DENND4C: variants seen among roughly 807,000 people sequenced by gnomAD.
The protein encoded by DENND4C is DENN domain-containing protein 4C.
Under a neutral mutation model 203.0 loss-of-function variants are expected in DENND4C, and 108 were observed. That is an observed-to-expected ratio of 0.53 (90% CI 0.46 to 0.62). DENND4C has a LOEUF of 0.62. Ranked by LOEUF, DENND4C falls within the 20% of genes least tolerant of loss-of-function variation. The pLI, the probability that DENND4C is intolerant of heterozygous loss-of-function variation, is 0.00. For missense variants in DENND4C, 2,481 were observed against 2,301.2 expected, an observed-to-expected ratio of 1.08 and a Z score of -1.60; for synonymous variants, 871 against 792.4, an observed-to-expected ratio of 1.10 and a Z score of -1.67.
At chr9:19,311,018 T>TAA (rs1840632621) in intron 10 of DENND4C, among the ~76,000 whole-genome samples, 1 of 152,236 alleles carries the variant, frequency 6.6e-6, no homozygotes, top group African/African-American at 2.4e-5. Context: ...CCATACTTTG[T>TAA]ATATAATGCT....
intron 13 of DENND4C, among the ~76,000 whole-genome samples, chr9:19,325,407 A>G (rs899153114): frequency 2.0e-5 from 3 of 152,250 alleles, no homozygotes; most frequent in African/African-American, 7.2e-5. Flanking sequence ...TGCAAACTGT[A>G]TATTATATAA....
intron 10 of DENND4C, among the ~76,000 whole-genome samples, chr9:19,307,473 C>G (rs1042750848): frequency 8.7e-5 from 13 of 149,302 alleles, no homozygotes; most frequent in African/African-American, 3.2e-4. Flanking sequence ...TTCACCACAA[C>G]TTTATTAAGA....
In DENND4C at chr9:19,369,989, T is replaced by A; in HGVS notation, c.5675+2T>A. On this transcript the variant is annotated splice_donor_variant, in intron 31 of 32. Coordinates refer to ENST00000434457, the MANE Select transcript of DENND4C (RefSeq NM_001330640.2). LOFTEE classifies it high-confidence loss of function. ...GAAGCCAGGCATGAAAAGACAAAGG[T>A]AATAATCCAGTATTTTTTGCTTGCC... is the stretch of plus-strand genomic sequence containing the variant. The A allele has an allele frequency of 6.2e-7, 1 of 1,612,742 alleles. No individual in the cohort carries two copies. The highest frequency in any genetic ancestry group is 1.7e-5 in the Admixed American group (1 of 59,778).
At chr9:19,335,397 A>G (rs1820220777) in intron 18 of DENND4C, among the ~76,000 whole-genome samples, 1 of 152,168 alleles carries the variant, frequency 6.6e-6, no homozygotes, top group Non-Finnish European at 1.5e-5. Context: ...TCAAAATACA[A>G]TACATTGTTA....
At chr9:19,242,574 C>T (rs1824028497) in intron 1 of DENND4C, among the ~76,000 whole-genome samples, 1 of 151,780 alleles carries the variant, frequency 6.6e-6, no homozygotes. Flanking sequence ...TTCGCATTTT[C>T]ATTCGTATTT....
chr9:19,259,840 T>C (rs1210199957), intron 1 of DENND4C, among the ~76,000 whole-genome samples: 1 of 152,204 alleles, frequency 6.6e-6, no homozygotes, highest in Non-Finnish European at 1.5e-5. Context: ...TTGTCTGTTG[T>C]TGAATAACTT....
intron 1 of DENND4C, among the ~76,000 whole-genome samples, chr9:19,246,831 A>C (rs1825397282): frequency 6.6e-6 from 1 of 152,052 alleles, no homozygotes; most frequent in Non-Finnish European, 1.5e-5. Flanking sequence ...ATAACTCTTA[A>C]TTCTCTAACT....
chr9:19,263,455 C>T (rs1006185377), intron 1 of DENND4C, among the ~76,000 whole-genome samples: 1 of 151,894 alleles, frequency 6.6e-6, no homozygotes, highest in Non-Finnish European at 1.5e-5. Flanking sequence ...CTCCTGGGTT[C>T]AAGCAATTTT....
intron 1 of DENND4C, among the ~76,000 whole-genome samples, chr9:19,239,345 CA>C (rs1350253058): frequency 4.6e-5 from 7 of 151,876 alleles, no homozygotes; most frequent in Non-Finnish European, 1.0e-4. Flanking sequence ...CTTTTTTGAT[CA>C]GGGGTTATTT....
intron 5 of DENND4C, among the ~76,000 whole-genome samples, chr9:19,293,540 C>T (rs570845312): frequency 1.3e-5 from 2 of 152,112 alleles, no homozygotes; most frequent in Admixed American, 6.5e-5. Flanking sequence ...AATGACTAAA[C>T]AGTTGGCAAG....
intron 1 of DENND4C, among the ~76,000 whole-genome samples, chr9:19,257,265 A>C (rs988027585): frequency 6.6e-6 from 1 of 151,698 alleles, no homozygotes; most frequent in African/African-American, 2.4e-5. Flanking sequence ...CTGAGGTGTG[A>C]GAATCGCTTA....
chr9:19,280,255 C>T (rs758707865), intron 2 of DENND4C, among the ~76,000 whole-genome samples: 1 of 152,026 alleles, frequency 6.6e-6, no homozygotes, highest in Non-Finnish European at 1.5e-5. Context: ...TCAAGCAATT[C>T]TCTGCCTCAG....
Position 19,296,202 on chromosome 9 carries a change from C to T in DENND4C, c.996C>T (p.Ile332=). The part of the protein sequence containing the change: ...FEAFRKFLMF[I]YKLSVSGPHP... ...CTTTTAGGAAATTTCTTATGTTTAT[C>T]TACAAACTTTCTGTGTCTGGACCAC... Residue 332 remains isoleucine (I), a synonymous_variant, in exon 6 of 33, where the codon ATC becomes ATT. Transcript: ENST00000434457. 6.2e-7 allele frequency: 1 copy of T among 1,613,564 alleles called. No homozygotes were observed. Among genetic ancestry groups the T allele is most frequent in the South Asian group, 1.1e-5 (1 of 91,044 alleles).
intron 9 of DENND4C, among the ~76,000 whole-genome samples, chr9:19,304,772 A>G (rs1240946053): frequency 1.4e-5 from 2 of 140,002 alleles, no homozygotes; most frequent in Non-Finnish European, 3.1e-5. Flanking sequence ...GATGGTCTCG[A>G]TCTCCTGACC....
chr9:19,289,887 A>C (rs745862747), intron 4 of DENND4C, among the ~76,000 whole-genome samples: 4 of 150,638 alleles, frequency 2.7e-5, no homozygotes, highest in Non-Finnish European at 4.4e-5. Flanking sequence ...ATTATGTGTG[A>C]TGTCCTTTTT....
At chr9:19,362,680 A>T (rs1204267871) in intron 30 of DENND4C, among the ~76,000 whole-genome samples, 3 of 152,114 alleles carry the variant, frequency 2.0e-5, no homozygotes, top group Admixed American at 2.0e-4. Flanking sequence ...TTGGTTGGCT[A>T]TTTTGAGAGT....
chr9:19,319,276 A>G (rs1842377402), intron 12 of DENND4C, among the ~76,000 whole-genome samples: 1 of 146,972 alleles, frequency 6.8e-6, no homozygotes, highest in Non-Finnish European at 1.5e-5. Context: ...TATATAGTAT[A>G]TATAAACATT....
At chr9:19,337,124 A>C (rs1820656393) in intron 20 of DENND4C, among the ~76,000 whole-genome samples, 1 of 152,244 alleles carries the variant, frequency 6.6e-6, no homozygotes, top group African/African-American at 2.4e-5. Flanking sequence ...AAGGAACTTG[A>C]AAATTAGTGA....
intron 1 of DENND4C, 98 bp from the exon 2 acceptor site, chr9:19,276,060 G>A: frequency 5.6e-6 from 3 of 536,354 alleles, no homozygotes; most frequent in East Asian, 3.5e-5. Flanking sequence ...ATCTAGCTGG[G>A]AAGTGTGCTA....
Sources: allele counts gnomAD v4.1 joint callset (sites outside exome capture counted in the v4.1 genomes callset), GRCh38; gene constraint gnomAD v4.1.1; transcripts MANE v1.5; gene names NCBI Gene and HGNC (gene_info 2026-07-23, HGNC 2026-07-21).